Variants in DIAPH2 observed in about 807,000 individuals in gnomAD.
DIAPH2 encodes the protein protein diaphanous homolog 2.
DIAPH2 carries 35 observed loss-of-function variants against 92.7 expected under a neutral mutation model. The observed-to-expected ratio is 0.38, with a 90% CI of 0.29 to 0.50. The LOEUF is 0.50. Among genes scored for constraint, DIAPH2 ranks in the 20% least tolerant of loss-of-function variants. The pLI is 0.94. For synonymous variants in DIAPH2, 301 were observed against 280.4 expected (o/e 1.07, Z -0.73); for missense variants, 701 against 819.5 (o/e 0.86, Z 1.77).
intron 22 of DIAPH2, among the ~76,000 whole-genome samples, chrX:97,161,217 C>A (rs940465629): frequency 9.1e-6 from 1 of 109,609 alleles, no homozygotes; most frequent in Non-Finnish European, 1.9e-5. Flanking sequence ...AGGGAAGGTA[C>A]ATGACTTATG....
chrX:97,267,624 A>G (rs2068348530), intron 23 of DIAPH2, among the ~76,000 whole-genome samples: 1 of 111,802 alleles, frequency 8.9e-6, no homozygotes, highest in African/African-American at 3.3e-5. Flanking sequence ...TTTGGACATG[A>G]GACATTATTT....
At chrX:97,014,522 T>C (rs144317084) in intron 17 of DIAPH2, among the ~76,000 whole-genome samples, 91 of 112,295 alleles carry the variant, frequency 8.1e-4, no homozygotes, top group African/African-American at 2.8e-3. Context: ...CTAATCCCAG[T>C]ATAAATCTTG....
intron 21 of DIAPH2, among the ~76,000 whole-genome samples, chrX:97,128,367 G>A (rs1252082186): frequency 9.0e-6 from 1 of 110,967 alleles, no homozygotes. Flanking sequence ...GGTTTTGGCC[G>A]GCTCCTTTAC....
intron 21 of DIAPH2, among the ~76,000 whole-genome samples, chrX:97,115,335 A>G (rs2067008913): frequency 9.0e-6 from 1 of 110,598 alleles, no homozygotes; most frequent in Non-Finnish European, 1.9e-5. Flanking sequence ...CAGGAGTTCG[A>G]GAACAGCCTG....
rs745321599 is a variant in DIAPH2 at position 97,075,213 on chromosome X, C to T, written c.2199C>T (p.Asn733=). The T allele has an allele frequency of 8.4e-5, 100 of 1,189,529 alleles. No homozygotes were observed. The Admixed American group carries it at 1.9e-3, about 22-fold the overall frequency. ...GCATGCCATATGAAGACATAAGAAA[C>T]GTTATTCTGGAGGTTAATGAAGACA... The part of the protein sequence containing the change: ...SYRMPYEDIR[N]VILEVNEDML... Residue 733 remains asparagine (N), a synonymous_variant, in exon 19 of 27, where the codon AAC becomes AAT. Coordinates refer to ENST00000324765, the MANE Select transcript of DIAPH2 (RefSeq NM_006729.5).
chrX:96,863,860 G>A (rs1259408042), intron 4 of DIAPH2, among the ~76,000 whole-genome samples: 5 of 111,404 alleles, frequency 4.5e-5, no homozygotes, highest in Admixed American at 1.9e-4. Context: ...CCAGAAGTTC[G>A]AGATCAGCCT....
chrX:97,481,576 C>T (rs779655151), intron 26 of DIAPH2, among the ~76,000 whole-genome samples: 2 of 111,506 alleles, frequency 1.8e-5, no homozygotes, highest in Non-Finnish European at 3.8e-5. Context: ...GAGCCAGGGA[C>T]AGAGCCTAAG....
intron 4 of DIAPH2, among the ~76,000 whole-genome samples, chrX:96,821,234 T>C (rs772729750): frequency 2.4e-4 from 27 of 112,425 alleles, no homozygotes; most frequent in Admixed American, 4.7e-4. Context: ...AAGCCAAAAG[T>C]CAATCACAAT....
chrX:96,770,303 TACC>T (rs1162772375), intron 4 of DIAPH2, among the ~76,000 whole-genome samples: 7 of 111,548 alleles, frequency 6.3e-5, no homozygotes, highest in African/African-American at 2.0e-4. Flanking sequence ...ATACCTAAAA[TACC>T]ACCAAGTGTG....
At chrX:96,933,859 G>T (rs1044190669) in intron 10 of DIAPH2, among the ~76,000 whole-genome samples, 5 of 101,820 alleles carry the variant, frequency 4.9e-5, no homozygotes, top group Admixed American at 2.2e-4. Context: ...CTTGTGATCC[G>T]CCTGCCTCGG....
intron 22 of DIAPH2, among the ~76,000 whole-genome samples, chrX:97,185,513 A>C (rs1200537771): frequency 1.6e-4 from 7 of 43,444 alleles, no homozygotes; most frequent in Admixed American, 3.6e-4. Flanking sequence ...ATATATATAT[A>C]TATATATCTC....
At chrX:96,787,211 T>C (rs897259190) in intron 4 of DIAPH2, among the ~76,000 whole-genome samples, 1 of 111,864 alleles carries the variant, frequency 8.9e-6, no homozygotes, top group Admixed American at 9.6e-5. Flanking sequence ...ATATAAAACA[T>C]AGATGTCATG....
chrX:97,021,009 A>G (rs1359168716), intron 17 of DIAPH2, among the ~76,000 whole-genome samples: 2 of 111,536 alleles, frequency 1.8e-5, no homozygotes, highest in Non-Finnish European at 3.8e-5. Flanking sequence ...ATTATTATAT[A>G]TAAGGAAGAT....
At chrX:97,437,740 A>G (rs1479501040) in intron 26 of DIAPH2, among the ~76,000 whole-genome samples, 1 of 103,571 alleles carries the variant, frequency 9.7e-6, no homozygotes, top group Non-Finnish European at 2.0e-5. Context: ...AGGGGGTTTA[A>G]AGTAAAGGAT....
intron 26 of DIAPH2, among the ~76,000 whole-genome samples, chrX:97,565,541 C>G (rs763828856): frequency 8.9e-6 from 1 of 111,886 alleles, no homozygotes; most frequent in East Asian, 2.8e-4. Flanking sequence ...GAAATGTAGA[C>G]GAAACAGTGA....
intron 23 of DIAPH2, among the ~76,000 whole-genome samples, chrX:97,275,427 C>T (rs1407784695): frequency 9.4e-6 from 1 of 106,769 alleles, no homozygotes; most frequent in Admixed American, 9.7e-5. Flanking sequence ...GCTGCCCCCC[C>T]TTCACCTCCC....
At chrX:97,356,206 C>A (rs1212332521) in intron 24 of DIAPH2, among the ~76,000 whole-genome samples, 1 of 111,738 alleles carries the variant, frequency 8.9e-6, no homozygotes, top group African/African-American at 3.2e-5. Flanking sequence ...GTTTCAACTC[C>A]TAGAGACCTG....
chrX:97,045,103 G>C (rs1160839336), intron 17 of DIAPH2, among the ~76,000 whole-genome samples: 2 of 111,933 alleles, frequency 1.8e-5, no homozygotes, highest in Non-Finnish European at 3.8e-5. Context: ...TGCTTTAATT[G>C]GTTTTCACAT....
At chrX:97,333,188 G>A (rs928431872) in intron 23 of DIAPH2, among the ~76,000 whole-genome samples, 3 of 111,712 alleles carry the variant, frequency 2.7e-5, no homozygotes, top group Admixed American at 1.9e-4. Context: ...TCCTGATCTC[G>A]ATCCGATTGG....
Sources: allele counts gnomAD v4.1 joint callset (sites outside exome capture counted in the v4.1 genomes callset), GRCh38; gene constraint gnomAD v4.1.1; transcripts MANE v1.5; gene names NCBI Gene and HGNC (gene_info 2026-07-23, HGNC 2026-07-21).